The following SRFBP1 variants were observed in gnomAD, a reference collection of about 807,000 sequenced individuals.
The protein encoded by SRFBP1 is serum response factor binding protein 1, also known as serum response factor-binding protein 1.
In SRFBP1, 47 loss-of-function variants were observed where a neutral mutation model predicts 45.5. That is an observed-to-expected ratio of 1.03 (90% CI 0.82 to 1.32). The LOEUF (loss-of-function observed/expected upper bound fraction) is 1.32. Among genes scored for constraint, SRFBP1 ranks in the 40% most tolerant of loss-of-function variants. The pLI is 0.00. For synonymous variants in SRFBP1, 203 were observed against 166.3 expected, an observed-to-expected ratio of 1.22 and a Z score of -1.70; for missense variants, 621 against 484.6, an observed-to-expected ratio of 1.28 and a Z score of -2.64.
At chr5:122,077,274 G>A, downstream of SRFBP1, 1 of 1,583,136 alleles carries the variant, frequency 6.3e-7, no homozygotes, top group Non-Finnish European at 8.6e-7. This position sits in a 1 kb window ranked among gnomAD's most constrained non-coding sequence, Gnocchi z 4.9. Flanking sequence ...GGGGCCCGCC[G>A]CGCCCAGGCA....
intron 4 of SRFBP1, 151 bp downstream of exon 4, chr5:121,994,821 A>T (rs1458314251): frequency 7.4e-6 from 4 of 537,886 alleles, no homozygotes; most frequent in Non-Finnish European, 1.3e-5. Flanking sequence ...CCACAAAAAA[A>T]ATTTATACTA....
intron 3 of SRFBP1, among the ~76,000 whole-genome samples, chr5:121,992,768 G>T (rs1752644121): frequency 6.6e-6 from 1 of 152,028 alleles, no homozygotes; most frequent in African/African-American, 2.4e-5. Context: ...CATTTTAGAG[G>T]TATTATATTC....
At chr5:121,969,952 T>C (rs1001774691) in intron 1 of SRFBP1, among the ~76,000 whole-genome samples, 1 of 152,136 alleles carries the variant, frequency 6.6e-6, no homozygotes, top group African/African-American at 2.4e-5. Flanking sequence ...CATACTGTTT[T>C]TACAATTCTA....
chr5:121,975,760 A>G (rs1752290896), intron 3 of SRFBP1, among the ~76,000 whole-genome samples: 4 of 152,014 alleles, frequency 2.6e-5, no homozygotes, highest in Admixed American at 2.0e-4. Flanking sequence ...TTGGTGGCTG[A>G]CATCATGCTT....
intron 4 of SRFBP1, among the ~76,000 whole-genome samples, chr5:121,996,827 A>C (rs1451405762): frequency 7.0e-6 from 1 of 142,794 alleles, no homozygotes; most frequent in Non-Finnish European, 1.5e-5. Context: ...CTCAGGATAC[A>C]AAATCAATGT....
chr5:122,025,850 C>T (rs557666354), intron 7 of SRFBP1, among the ~76,000 whole-genome samples: 5 of 152,284 alleles, frequency 3.3e-5, no homozygotes, highest in Admixed American at 3.3e-4. Context: ...CCTGTAATCC[C>T]AGCACTTTGG....
chr5:121,967,075 G>C (rs1268021731), intron 1 of SRFBP1, among the ~76,000 whole-genome samples: 1 of 151,512 alleles, frequency 6.6e-6, no homozygotes, highest in African/African-American at 2.4e-5. Flanking sequence ...TTGCAGGCAT[G>C]AGCCACCACG....
intron 1 of SRFBP1, among the ~76,000 whole-genome samples, chr5:121,963,892 T>G (rs1023051204): frequency 6.6e-6 from 1 of 151,586 alleles, no homozygotes; most frequent in African/African-American, 2.4e-5. Context: ...GAGAGATTTA[T>G]CTACATAAAA....
chr5:121,975,783 G>A (rs1369569356), intron 3 of SRFBP1, among the ~76,000 whole-genome samples: 1 of 151,936 alleles, frequency 6.6e-6, no homozygotes, highest in African/African-American at 2.4e-5. Flanking sequence ...CTTGTTGCCA[G>A]CTCAATAAAT....
intron 2 of SRFBP1, among the ~76,000 whole-genome samples, chr5:122,034,690 A>G (rs544157807): frequency 5.3e-5 from 8 of 152,078 alleles, no homozygotes; most frequent in Non-Finnish European, 8.8e-5. Flanking sequence ...TAGATTTGCA[A>G]TTAAGTATAT....
rs187314996 is a variant in SRFBP1 at position 122,040,545 on chromosome 5, A to G, written n.311+18138A>G. On this transcript the variant is annotated intron_variant and non_coding_transcript_variant, in intron 2 of 2. Transcript: ENST00000504881. ...TATTTGTGTTTATTTTTCAACGACT[A>G]CGGTATGAATACTCAATGCTTAGCT... 1.2e-4 allele frequency among the ~76,000 whole-genome samples: 19 copies of G among 152,284 alleles called. No individual in the cohort carries two copies. In the East Asian group the frequency reaches 2.7e-3, roughly 22 times the overall value.
chr5:122,030,670 A>G (rs1205760656), downstream of SRFBP1, among the ~76,000 whole-genome samples: 1 of 152,176 alleles, frequency 6.6e-6, no homozygotes, highest in Non-Finnish European at 1.5e-5. Context: ...AAATTAACCA[A>G]AAACTAAGTA....
intron 3 of SRFBP1, among the ~76,000 whole-genome samples, chr5:121,977,072 T>C (rs2112821130): frequency 6.6e-6 from 1 of 152,174 alleles, no homozygotes; most frequent in Non-Finnish European, 1.5e-5. Flanking sequence ...AAGCCTGTTT[T>C]CTGTTTCTTG....
At chr5:122,050,611 G>T (rs1753957593) in intron 2 of SRFBP1, among the ~76,000 whole-genome samples, 1 of 151,882 alleles carries the variant, frequency 6.6e-6, no homozygotes, top group Non-Finnish European at 1.5e-5. Flanking sequence ...AGTCCTCTTT[G>T]TTGTTTCTAA....
rs377281776 is a variant in SRFBP1 at position 122,013,137 on chromosome 5, C to T, written c.271-6123C>T. On this transcript the variant is annotated intron_variant, in intron 4 of 7. Coordinates refer to ENST00000339397, the MANE Select transcript of SRFBP1 (RefSeq NM_152546.3). ...ACATAAAAATGACAAAGCTCATCCT[C>T]CCAGTGTTTACATTTATTTTGCCTG... is the stretch of plus-strand genomic sequence containing the variant. 2.6e-5 allele frequency among the ~76,000 whole-genome samples: 4 copies of T among 152,208 alleles called. No homozygotes were observed. In the East Asian group the frequency reaches 7.7e-4, roughly 29 times the overall value.
chr5:122,020,806 A>G lies in SRFBP1; in HGVS notation c.1067+4A>G. 1 of 1,538,450 alleles carries G rather than the reference A, an allele frequency of 6.5e-7. No individual in the cohort carries two copies. The highest frequency in any genetic ancestry group is 2.3e-5 in the East Asian group (1 of 43,978). ...CTGGATCTAAAAGCTCTAGAAGGTA[A>G]GATTCTTTTTCTATTCTGAAATAAT... On this transcript the variant is annotated splice_donor_region_variant and intron_variant, in intron 6 of 7. Transcript: ENST00000339397.
In SRFBP1 at chr5:122,070,502, T is replaced by G. The variant is rs1561417505; in HGVS notation, n.312-4813T>G. ...TTTTCAAAGGTCTTTACCTTTAGGA[T>G]ATAGTTTCCAGGTTTTACATCTGTA... On this transcript the variant is annotated intron_variant and non_coding_transcript_variant, in intron 2 of 2. Transcript: ENST00000504881. The G allele has an allele frequency of 2.5e-6, 4 of 1,583,002 alleles. No individual in the cohort carries two copies. Among genetic ancestry groups the G allele is most frequent in the Non-Finnish European group, 3.5e-6 (4 of 1,153,572 alleles).
At chr5:122,051,905 C>G (rs1022300936) in intron 2 of SRFBP1, among the ~76,000 whole-genome samples, 1 of 151,946 alleles carries the variant, frequency 6.6e-6, no homozygotes, top group African/African-American at 2.4e-5. Flanking sequence ...CTTTCCGTAT[C>G]GAGCACTCCT....
chr5:122,064,410 A>G (rs968058490), intron 2 of SRFBP1: 3 of 151,866 alleles, frequency 2.0e-5, no homozygotes, highest in Non-Finnish European at 4.4e-5. Flanking sequence ...GAATGTTCAT[A>G]TAAGGAATAA....
Sources: gnomAD v4.1 joint callset for allele counts (sites outside exome capture counted in the v4.1 genomes callset) on GRCh38, gnomAD v4.1.1 for gene constraint, Gnocchi (gnomAD v3.1) non-coding constraint, MANE v1.5 for transcripts, NCBI Gene and HGNC (gene_info 2026-07-23, HGNC 2026-07-21) for gene names.